ASPRV1: variants seen among roughly 807,000 people sequenced by gnomAD.
The protein encoded by ASPRV1 is aspartic peptidase retroviral like 1.
ASPRV1 carries 7 observed loss-of-function variants against 11.0 expected under a neutral mutation model. That is an observed-to-expected ratio of 0.64 (90% CI 0.36 to 1.20). The LOEUF (loss-of-function observed/expected upper bound fraction) is 1.20, where lower values mean the gene tolerates loss of function less well. Ranked by LOEUF, ASPRV1 falls within the 50% of genes most tolerant of loss-of-function variation. The pLI, the probability that ASPRV1 is intolerant of heterozygous loss-of-function variation, is 0.02. For missense variants in ASPRV1, 299 were observed against 320.0 expected, an observed-to-expected ratio of 0.93 and a Z score of 0.50; for synonymous variants, 136 against 138.4, an observed-to-expected ratio of 0.98 and a Z score of 0.12.
the ASPRV1 span, chr2:70,055,479 G>T: frequency 1.3e-5 from 2 of 152,300 alleles, no homozygotes; most frequent in East Asian, 1.9e-4. Context: ...CATATCCTTT[G>T]CAGGGACATG....
At chr2:69,972,607 C>CT in the ASPRV1 span, among the ~76,000 whole-genome samples, 2 of 152,174 alleles carry the variant, frequency 1.3e-5, no homozygotes, top group Non-Finnish European at 2.9e-5. Flanking sequence ...ATCTGCCTGC[C>CT]TCAGCCTCCT....
At chr2:70,070,260 TC>T in the ASPRV1 span, 1 of 149,564 alleles carries the variant, frequency 6.7e-6, no homozygotes, top group Non-Finnish European at 1.5e-5. Flanking sequence ...TTCACAAACT[TC>T]CAGAACAAGA....
At chr2:70,045,177 T>C in the ASPRV1 span, 4 of 152,194 alleles carry the variant, frequency 2.6e-5, no homozygotes, top group Admixed American at 2.6e-4. Context: ...CTACCCTCCT[T>C]TCCTAAATCT....
At chr2:70,012,646 C>T in the ASPRV1 span, among the ~76,000 whole-genome samples, 1 of 152,086 alleles carries the variant, frequency 6.6e-6, no homozygotes, top group East Asian at 1.9e-4. Flanking sequence ...GAAAGGCAAA[C>T]TTAATGTAAA....
chr2:70,005,670 T>C, the ASPRV1 span, among the ~76,000 whole-genome samples: 35 of 146,534 alleles, frequency 2.4e-4, no homozygotes, highest in African/African-American at 8.3e-4. Context: ...CTGAGCCACA[T>C]TTAGTAAACT....
chr2:70,061,752 T>C, the ASPRV1 span, among the ~76,000 whole-genome samples: 3 of 151,688 alleles, frequency 2.0e-5, no homozygotes, highest in Non-Finnish European at 4.4e-5. Context: ...AGTTCAAGAC[T>C]AGCCTGGCCA....
At chr2:70,057,597 G>A in the ASPRV1 span, among the ~76,000 whole-genome samples, 5 of 151,784 alleles carry the variant, frequency 3.3e-5, no homozygotes, top group East Asian at 7.7e-4. Flanking sequence ...TCTTGCTTCA[G>A]CCTCCCAAGT....
chr2:69,972,850 C>T, the ASPRV1 span, among the ~76,000 whole-genome samples: 5 of 152,152 alleles, frequency 3.3e-5, no homozygotes, highest in African/African-American at 7.2e-5. Flanking sequence ...TCTCACTCCA[C>T]CCTATCCCAG....
At chr2:69,950,846 A>AATAT in the ASPRV1 span, among the ~76,000 whole-genome samples, 2 of 88,558 alleles carry the variant, frequency 2.3e-5, no homozygotes, top group African/African-American at 1.5e-4. Context: ...CTGTCTCAAA[A>AATAT]ATAAATAAAT....
chr2:69,961,986 G>A (rs1572876535), upstream of ASPRV1: 2 of 339,980 alleles, frequency 5.9e-6, no homozygotes, highest in Middle Eastern at 1.7e-3. Flanking sequence ...GACCGGGGAA[G>A]CCGCCATTGG....
the ASPRV1 span, among the ~76,000 whole-genome samples, chr2:70,052,732 G>A: frequency 6.6e-6 from 1 of 152,178 alleles, no homozygotes; most frequent in South Asian, 2.1e-4. Context: ...CACAGAATCT[G>A]GATGGGATTC....
chr2:70,079,713 G>A, the ASPRV1 span, among the ~76,000 whole-genome samples: 1 of 152,168 alleles, frequency 6.6e-6, no homozygotes, highest in African/African-American at 2.4e-5. Flanking sequence ...AATAAAAATG[G>A]GTGAGAAATG....
At chr2:69,936,712 A>G in the ASPRV1 span, among the ~76,000 whole-genome samples, 2 of 152,238 alleles carry the variant, frequency 1.3e-5, no homozygotes, top group Non-Finnish European at 2.9e-5. Context: ...GACAAATTAG[A>G]ATCAGGACAT....
At chr2:70,054,225 G>A in the ASPRV1 span, 1 of 152,158 alleles carries the variant, frequency 6.6e-6, no homozygotes, top group African/African-American at 2.4e-5. Flanking sequence ...CCAGGAGACG[G>A]AGGTTGCAGT....
At chr2:69,957,493 TTG>T (rs1310175755), downstream of ASPRV1, among the ~76,000 whole-genome samples, 1 of 151,174 alleles carries the variant, frequency 6.6e-6, no homozygotes, top group African/African-American at 2.4e-5. Context: ...TGCATTCAGT[TTG>T]TGGTGGTCAT....
the ASPRV1 span, among the ~76,000 whole-genome samples, chr2:70,057,737 C>T: frequency 6.6e-6 from 1 of 152,098 alleles, no homozygotes; most frequent in Admixed American, 6.6e-5. Flanking sequence ...CCTCGGCCTC[C>T]CAAAGTGCTG....
chr2:70,063,333 A>C, the ASPRV1 span, among the ~76,000 whole-genome samples: 1 of 152,174 alleles, frequency 6.6e-6, no homozygotes, highest in Non-Finnish European at 1.5e-5. Flanking sequence ...ACATCCAGCC[A>C]GTCTTCCAGT....
chr2:69,948,692 C>A, the ASPRV1 span, among the ~76,000 whole-genome samples: 1 of 152,138 alleles, frequency 6.6e-6, no homozygotes, highest in Non-Finnish European at 1.5e-5. Context: ...AGGAAGAGGC[C>A]CCGAGGGAGG....
At chr2:70,010,139 C>CTGGG in the ASPRV1 span, among the ~76,000 whole-genome samples, 1 of 152,102 alleles carries the variant, frequency 6.6e-6, no homozygotes, top group Non-Finnish European at 1.5e-5. Context: ...GTCACACACC[C>CTGGG]TGGGGATGCC....
Sources: gnomAD v4.1 joint callset for allele counts (sites outside exome capture counted in the v4.1 genomes callset) on GRCh38, gnomAD v4.1.1 for gene constraint, MANE v1.5 for transcripts, NCBI Gene and HGNC (gene_info 2026-07-23, HGNC 2026-07-21) for gene names.